Variants in KYNU observed in about 807,000 individuals in gnomAD.
KYNU encodes kynureninase.
A neutral mutation model predicts 59.2 loss-of-function variants in KYNU; 54 were observed. That is an observed-to-expected ratio of 0.91 (90% CI 0.73 to 1.14). KYNU has a LOEUF of 1.14. Ranked by LOEUF, KYNU falls within the 50% of genes most tolerant of loss-of-function variation. The probability of loss-of-function intolerance (pLI) is 0.00; values close to 1 mark genes in which losing one functional copy is unlikely to be tolerated. For synonymous variants in KYNU, 177 were observed against 192.0 expected, an observed-to-expected ratio of 0.92 and a Z score of 0.65; for missense variants, 567 against 554.4, an observed-to-expected ratio of 1.02 and a Z score of -0.23.
intron 8 of KYNU, among the ~76,000 whole-genome samples, chr2:142,969,940 A>G (rs766803059): frequency 1.3e-5 from 2 of 152,244 alleles, no homozygotes; most frequent in Non-Finnish European, 2.9e-5. Flanking sequence ...AGGAAGGCAG[A>G]TTTAAGTCTT....
intron 9 of KYNU, 90 bp from the exon 10 acceptor site, chr2:142,985,858 G>T: frequency 1.2e-6 from 1 of 819,210 alleles, no homozygotes; most frequent in Non-Finnish European, 2.1e-6. Flanking sequence ...CAAATGTTGT[G>T]GTTTCAATTA....
At chr2:143,029,532 G>A (rs1262258746) in intron 10 of KYNU, 95 bp from the exon 11 acceptor site, 2 of 773,012 alleles carry the variant, frequency 2.6e-6, no homozygotes, top group East Asian at 5.1e-5. Flanking sequence ...GTGGCAGTGA[G>A]CTGAGATCAC....
chr2:143,003,977 C>T (rs1685789417), intron 10 of KYNU, among the ~76,000 whole-genome samples: 1 of 152,178 alleles, frequency 6.6e-6, no homozygotes, highest in Admixed American at 6.5e-5. Context: ...AGACATTCTC[C>T]TATTACTTGA....
intron 8 of KYNU, among the ~76,000 whole-genome samples, chr2:142,972,024 T>C (rs1426790847): frequency 6.6e-6 from 1 of 152,152 alleles, no homozygotes; most frequent in Non-Finnish European, 1.5e-5. Context: ...GTCTCAGAAA[T>C]AAATCAAACA....
rs544242814 is a variant in KYNU, at chr2:142,951,526, A to G, written c.374-3284A>G. Reference sequence around the variant, plus strand: ...GAGTGACAAAATAAGACAAAAAACAATGAAGTGAAGAGCAATGAAACAAAG... The same window carrying G: ...GAGTGACAAAATAAGACAAAAAACAGTGAAGTGAAGAGCAATGAAACAAAG... On this transcript the variant is annotated intron_variant, in intron 4 of 13. Coordinates refer to ENST00000264170, the MANE Select transcript of KYNU (RefSeq NM_003937.3). Among the ~76,000 whole-genome samples, 5 of 152,340 alleles carry G rather than the reference A, an allele frequency of 3.3e-5. No individual in the cohort carries two copies. The South Asian group carries it at 6.2e-4, about 19-fold the overall frequency.
intron 2 of KYNU, among the ~76,000 whole-genome samples, chr2:142,906,315 G>C (rs1222062503): frequency 6.6e-6 from 1 of 152,218 alleles, no homozygotes; most frequent in African/African-American, 2.4e-5. Flanking sequence ...AGGAGCCAAG[G>C]CTTGAAGATT....
chr2:142,967,474 A>T (rs1455665851), intron 8 of KYNU: 1 of 152,192 alleles, frequency 6.6e-6, no homozygotes, highest in Admixed American at 6.6e-5. Context: ...TGTTTAAATT[A>T]TTAAAAAATA....
intron 7 of KYNU, 44 bp downstream of exon 7, chr2:142,957,759 T>C (rs377683536): frequency 2.7e-5 from 34 of 1,253,742 alleles, no homozygotes; most frequent in African/African-American, 1.6e-4. Flanking sequence ...TTGTTTAGTA[T>C]TGATTTTTTT....
intron 1 of KYNU, chr2:142,881,264 C>T (rs1461476335): frequency 6.6e-6 from 1 of 152,138 alleles, no homozygotes; most frequent in Admixed American, 6.5e-5. Context: ...TTGTACAGAA[C>T]CATGGATTGA....
intron 12 of KYNU, 124 bp from the exon 13 acceptor site, chr2:143,040,304 A>C (rs1162563545): frequency 2.8e-6 from 2 of 703,244 alleles, no homozygotes; most frequent in African/African-American, 3.5e-5. Context: ...AAGATTATGT[A>C]AAGGGAGATA....
chr2:142,924,140 T>C (rs1411692362), intron 3 of KYNU, among the ~76,000 whole-genome samples: 1 of 152,208 alleles, frequency 6.6e-6, no homozygotes, highest in African/African-American at 2.4e-5. Flanking sequence ...GGTGTCACTC[T>C]GTTGCCCAGG....
chr2:142,880,047 T>C (rs35138381), intron 1 of KYNU, among the ~76,000 whole-genome samples: 100 of 152,286 alleles, frequency 6.6e-4, no homozygotes, highest in Non-Finnish European at 1.4e-3. Context: ...TGAGAGAGGG[T>C]GCCCTTCTAG....
At chr2:142,906,057 TTCTC>T (rs1682284580) in intron 2 of KYNU, among the ~76,000 whole-genome samples, 1 of 144,692 alleles carries the variant, frequency 6.9e-6, no homozygotes, top group Admixed American at 6.8e-5. Context: ...CTCTGCCTCT[TTCTC>T]TTTCTCTCCT....
intron 3 of KYNU, among the ~76,000 whole-genome samples, chr2:142,920,307 G>A (rs771716758): frequency 6.6e-6 from 1 of 152,080 alleles, no homozygotes; most frequent in Non-Finnish European, 1.5e-5. Context: ...TAATGAATGG[G>A]GGTCATAGTT....
At chr2:143,001,709 C>G (rs1183551426) in intron 10 of KYNU, among the ~76,000 whole-genome samples, 1 of 152,170 alleles carries the variant, frequency 6.6e-6, no homozygotes, top group African/African-American at 2.4e-5. Context: ...ATTTATTGAG[C>G]AGGACATTGG....
intron 4 of KYNU, among the ~76,000 whole-genome samples, chr2:142,952,669 G>T (rs1268816064): frequency 1.3e-5 from 2 of 151,988 alleles, no homozygotes; most frequent in African/African-American, 4.8e-5. Context: ...GAACACTTGG[G>T]TTCAAGCATT....
chr2:142,983,508 AAC>A (rs1215408682), intron 8 of KYNU, among the ~76,000 whole-genome samples: 1 of 152,080 alleles, frequency 6.6e-6, no homozygotes, highest in African/African-American at 2.4e-5. Flanking sequence ...TAGAATTTAT[AAC>A]AGTGTATATA....
chr2:142,943,247 A>C (rs144538870), intron 4 of KYNU, among the ~76,000 whole-genome samples: 1 of 152,290 alleles, frequency 6.6e-6, no homozygotes, highest in East Asian at 1.9e-4. Flanking sequence ...AGGTTGTCTA[A>C]ATGTGCCATG....
rs1217658626 is a variant in KYNU, at chr2:143,045,751, T to C, written c.*3579T>C. The C allele has an allele frequency of 6.6e-6, 1 of 152,058 alleles. No individual in the cohort carries two copies. Among genetic ancestry groups the C allele is most frequent in the African/African-American group, 2.4e-5 (1 of 41,418 alleles). 9.4% of individuals were successfully genotyped at this position (152,058 alleles called of 1,614,324 possible). A position where few individuals can be genotyped will look rare whatever the true frequency, so the allele number is the denominator to read the frequency against. ...CTGGGCTCAAATGATCCTCCTACCT[T>C]AACCTCCTGAGTAGCTGAGACTTTA... On this transcript the variant is annotated 3_prime_UTR_variant, in exon 14 of 14. Transcript: ENST00000264170.
Sources: gnomAD v4.1 joint callset for allele counts (sites outside exome capture counted in the v4.1 genomes callset) on GRCh38, gnomAD v4.1.1 for gene constraint, MANE v1.5 for transcripts, NCBI Gene and HGNC (gene_info 2026-07-23, HGNC 2026-07-21) for gene names.